The following OPCML variants were observed in gnomAD, a reference collection of about 807,000 sequenced individuals.
OPCML encodes opioid binding protein/cell adhesion molecule like.
In OPCML, 13 loss-of-function variants were observed where a neutral mutation model predicts 37.8. The ratio of observed to expected loss-of-function variants is 0.34; its 90% CI spans 0.22 to 0.55. The LOEUF is 0.55. Ranked by LOEUF, OPCML falls within the 20% of genes least tolerant of loss-of-function variation. The pLI is 0.91. For synonymous variants in OPCML, 176 were observed against 168.8 expected, an observed-to-expected ratio of 1.04 and a Z score of -0.33; for missense variants, 341 against 435.6, an observed-to-expected ratio of 0.78 and a Z score of 1.93.
At chr11:133,027,657 TG>T (rs1947584225) in intron 1 of OPCML, among the ~76,000 whole-genome samples, 1 of 145,604 alleles carries the variant, frequency 6.9e-6, no homozygotes, top group Non-Finnish European at 1.5e-5. Context: ...GATGCATGTG[TG>T]GGGCGTGTGG....
rs149198630 is a variant in OPCML, at chr11:133,200,895, G to A, written c.62-257885C>T. ...GGAATCCACCTAGAAGGCCATCAAC[G>A]GTGGACTGGATAAAGAAAATGTGGT... On this transcript the variant is annotated intron_variant, in intron 1 of 7. Coordinates refer to ENST00000524381, the MANE Select transcript of OPCML (RefSeq NM_001012393.5). Among the ~76,000 whole-genome samples the A allele has an allele frequency of 2.3e-3, 345 of 152,184 alleles. 1 individual carries two copies. Among genetic ancestry groups the A allele is most frequent in the Middle Eastern group, 0.017 (5 of 294 alleles).
At chr11:132,619,227 T>C (rs1260965021) in intron 3 of OPCML, among the ~76,000 whole-genome samples, 1 of 152,176 alleles carries the variant, frequency 6.6e-6, no homozygotes, top group African/African-American at 2.4e-5. Flanking sequence ...ACTTCCCAAG[T>C]AGGCCGGGCC....
At chr11:132,716,390 TTATC>T (rs748328106) in intron 2 of OPCML, among the ~76,000 whole-genome samples, 2,357 of 149,616 alleles carry the variant, frequency 0.016, 43 homozygotes, top group African/African-American at 0.043. Context: ...ATCTGTCTAT[TTATC>T]TATCTATCTA....
At chr11:133,446,124 A>G (rs901569334) in intron 1 of OPCML, among the ~76,000 whole-genome samples, 2 of 152,182 alleles carry the variant, frequency 1.3e-5, no homozygotes, top group African/African-American at 4.8e-5. Context: ...CTGGGTCTGT[A>G]GGAGGCCAGG....
chr11:133,336,634 C>G, intron 1 of OPCML, among the ~76,000 whole-genome samples: 1 of 152,162 alleles, frequency 6.6e-6, no homozygotes, highest in East Asian at 1.9e-4. Flanking sequence ...TAAAAGAAAT[C>G]AATTTCCCCC....
chr11:132,648,234 T>C (rs1941253519), intron 3 of OPCML, among the ~76,000 whole-genome samples: 1 of 152,228 alleles, frequency 6.6e-6, no homozygotes. Flanking sequence ...GGAGAGTTTA[T>C]GAACATTTAC....
intron 3 of OPCML, among the ~76,000 whole-genome samples, chr11:132,613,720 TA>T (rs1157494975): frequency 1.3e-5 from 2 of 152,122 alleles, no homozygotes; most frequent in Non-Finnish European, 2.9e-5. Flanking sequence ...AGAACAGACA[TA>T]TTTTTTTACT....
intron 2 of OPCML, among the ~76,000 whole-genome samples, chr11:132,753,494 A>G (rs1945910616): frequency 6.6e-6 from 1 of 152,246 alleles, no homozygotes; most frequent in African/African-American, 2.4e-5. Context: ...CTAGCTGGCT[A>G]CATACCTACA....
chr11:132,804,715 A>C (rs1456060132), intron 2 of OPCML, among the ~76,000 whole-genome samples: 1 of 152,188 alleles, frequency 6.6e-6, no homozygotes, highest in African/African-American at 2.4e-5. Flanking sequence ...ACAAGATCCA[A>C]TGTGGATCCC....
At chr11:132,459,986 T>C (rs2096095528) in intron 4 of OPCML, among the ~76,000 whole-genome samples, 1 of 152,190 alleles carries the variant, frequency 6.6e-6, no homozygotes, top group Non-Finnish European at 1.5e-5. Flanking sequence ...TGTTGAGTTA[T>C]ATGTCAGTTG....
chr11:132,464,671 C>T (rs965415235), intron 4 of OPCML, among the ~76,000 whole-genome samples: 13 of 152,034 alleles, frequency 8.6e-5, no homozygotes, highest in South Asian at 4.2e-4. Flanking sequence ...GATGCTTTCT[C>T]GGGGTTTTTC....
Position 133,141,012 on chromosome 11 carries a change from C to T in OPCML, c.62-198002G>A, listed in dbSNP as rs867291793. Reference sequence around the variant, plus strand: ...AAGAAGAAGAAGACGACGACGACGACGACGACGACGACGACGACGACGACG... The same window carrying T: ...AAGAAGAAGAAGACGACGACGACGATGACGACGACGACGACGACGACGACG... On this transcript the variant is annotated intron_variant, in intron 1 of 7. Transcript: ENST00000524381. 1.0e-3 allele frequency among the ~76,000 whole-genome samples: 7 copies of T among 6,936 alleles called. 2 individuals are homozygous for T. Among genetic ancestry groups the T allele is most frequent in the African/African-American group, 2.2e-3 (7 of 3,136 alleles). The allele number at this position is 6,936 out of a possible 152,430, so 4.6% of individuals were successfully genotyped here. A position where few individuals can be genotyped will look rare whatever the true frequency, so the allele number is the denominator to read the frequency against.
At chr11:133,103,299 T>C (rs1006439192) in intron 1 of OPCML, among the ~76,000 whole-genome samples, 2 of 152,176 alleles carry the variant, frequency 1.3e-5, no homozygotes, top group Non-Finnish European at 2.9e-5. Context: ...CTTCTTTTTA[T>C]AGGAAGAAAA....
At chr11:133,031,516 T>C (rs965079118) in intron 1 of OPCML, among the ~76,000 whole-genome samples, 4 of 149,976 alleles carry the variant, frequency 2.7e-5, no homozygotes, top group Non-Finnish European at 5.9e-5. Context: ...GATGGGTAGG[T>C]GAATGGATGG....
rs565164749 is a variant in OPCML at position 133,391,595 on chromosome 11, C to T, written c.61+140669G>A. 2.0e-5 allele frequency among the ~76,000 whole-genome samples: 3 copies of T among 152,220 alleles called. No individual in the cohort carries two copies. The East Asian group carries it at 5.8e-4, about 29-fold the overall frequency. ...TATCCCTCCATCAAAAAGCAGGACG[C>T]GTTCCAAGCATGCACTTTGTTGAAA... On this transcript the variant is annotated intron_variant, in intron 1 of 7. Coordinates refer to ENST00000524381, the MANE Select transcript of OPCML (RefSeq NM_001012393.5).
chr11:132,547,260 G>T (rs143787063), intron 3 of OPCML, among the ~76,000 whole-genome samples: 4 of 152,288 alleles, frequency 2.6e-5, no homozygotes, highest in Non-Finnish European at 5.9e-5. Flanking sequence ...CATAAGTCAA[G>T]GCAGAAAAGT....
chr11:132,787,113 C>T (rs1207592243), intron 2 of OPCML, among the ~76,000 whole-genome samples: 4 of 152,116 alleles, frequency 2.6e-5, no homozygotes, highest in Admixed American at 6.5e-5. Context: ...CTGATGCTGC[C>T]GGTTTGAGAA....
intron 1 of OPCML, chr11:133,362,164 T>A (rs2136722531): frequency 6.6e-6 from 1 of 152,362 alleles, no homozygotes; most frequent in South Asian, 2.1e-4. Context: ...GTAGAGCCCA[T>A]CGAATAGAAG....
intron 1 of OPCML, among the ~76,000 whole-genome samples, chr11:133,120,313 C>T (rs934050926): frequency 3.3e-5 from 5 of 152,066 alleles, no homozygotes; most frequent in East Asian, 1.9e-4. Context: ...ATTTCAAAGA[C>T]GAGTCAGTTA....
Sources: gnomAD v4.1 joint callset for allele counts (sites outside exome capture counted in the v4.1 genomes callset) on GRCh38, gnomAD v4.1.1 for gene constraint, MANE v1.5 for transcripts, NCBI Gene and HGNC (gene_info 2026-07-23, HGNC 2026-07-21) for gene names.